The following ENTPD7 variants were observed in gnomAD, a reference collection of about 807,000 sequenced individuals.
ENTPD7 encodes NTPDase 7.
ENTPD7 carries 53 observed loss-of-function variants against 77.9 expected under a neutral mutation model. The observed-to-expected ratio is 0.68, with a 90% CI of 0.55 to 0.85. ENTPD7 has a LOEUF of 0.85. Among genes scored for constraint, ENTPD7 ranks in the 40% least tolerant of loss-of-function variants. The probability of loss-of-function intolerance (pLI) is 0.00; values close to 1 mark genes in which losing one functional copy is unlikely to be tolerated. For synonymous variants in ENTPD7, 248 were observed against 274.9 expected (o/e 0.90, Z 0.97); for missense variants, 636 against 743.7 (o/e 0.86, Z 1.68).
intron 3 of ENTPD7, 33 bp downstream of exon 3, chr10:99,661,661 A>G (rs978345692): frequency 2.0e-5 from 32 of 1,563,884 alleles, no homozygotes; most frequent in Non-Finnish European, 2.2e-5. Flanking sequence ...CACTCAAGTC[A>G]TAAATATTTT....
chr10:99,661,389 A>G (rs1252650975), intron 2 of ENTPD7, 57 bp from the exon 3 acceptor site: 8 of 1,461,744 alleles, frequency 5.5e-6, no homozygotes, highest in Non-Finnish European at 5.5e-6. Context: ...TTAAAACGAT[A>G]TTTAAGCACT....
At chr10:99,696,209 A>ATAAG (rs1361495583) in intron 9 of ENTPD7, 87 bp downstream of exon 9, 3 of 1,476,872 alleles carry the variant, frequency 2.0e-6, no homozygotes, top group Non-Finnish European at 2.8e-6. Context: ...CCTAAGACAG[A>ATAAG]TAAGTCCCTG....
In ENTPD7 at chr10:99,711,188, T is replaced by C. The variant is rs984461109; in HGVS notation, c.*6505T>C. Reference sequence around the variant, plus strand: ...AAATGCAACCAGTTGTTTTTCCAAATGTACTCATCATCTGTAATAAAAGAA... The same window carrying C: ...AAATGCAACCAGTTGTTTTTCCAAACGTACTCATCATCTGTAATAAAAGAA... On this transcript the variant is annotated 3_prime_UTR_variant, in exon 13 of 13. Transcript: ENST00000370489. 6.9e-5 allele frequency: 68 copies of C among 985,214 alleles called. No individual in the cohort carries two copies. The highest frequency in any genetic ancestry group is 7.4e-5 in the Non-Finnish European group (61 of 829,868). The allele number at this position is 985,214 out of a possible 1,614,324, so 61.0% of individuals were successfully genotyped here.
intron 11 of ENTPD7, 36 bp downstream of exon 11, chr10:99,701,094 TA>T: frequency 6.6e-7 from 1 of 1,511,178 alleles, no homozygotes; most frequent in Non-Finnish European, 9.2e-7. Context: ...GATGTGGACT[TA>T]AAATCTAGAT....
intron 3 of ENTPD7, among the ~76,000 whole-genome samples, chr10:99,669,165 A>G (rs1262095319): frequency 6.6e-6 from 1 of 151,774 alleles, no homozygotes; most frequent in Admixed American, 6.6e-5. Flanking sequence ...GATGTGAGCC[A>G]CTGTCCTAGG....
intron 5 of ENTPD7, among the ~76,000 whole-genome samples, chr10:99,683,741 CTT>C (rs1427618721): frequency 2.6e-5 from 4 of 152,102 alleles, no homozygotes; most frequent in African/African-American, 9.7e-5. Context: ...TTGGACATCT[CTT>C]ATCTTTTCAT....
At chr10:99,661,308 A>C in intron 2 of ENTPD7, 138 bp from the exon 3 acceptor site, 1 of 669,298 alleles carries the variant, frequency 1.5e-6, no homozygotes, top group Non-Finnish European at 2.4e-6. Flanking sequence ...TTCTAAAATT[A>C]GAGATGACAA....
chr10:99,683,474 A>G (rs1590045524), intron 5 of ENTPD7, among the ~76,000 whole-genome samples: 2 of 152,350 alleles, frequency 1.3e-5, no homozygotes, highest in East Asian at 3.9e-4. Context: ...TAATAAAATA[A>G]TAATTTTTAT....
In ENTPD7 at chr10:99,679,300, T is replaced by C. The variant is rs1369749526; in HGVS notation, c.231T>C (p.Thr77=). ...TAGGGGAGCTTGAAGCTACTGACAC[T>C]GAAGACCCAAATCTGAATTATGGAC... ...ARVGELEATD[T]EDPNLNYGLV... The change falls in exon 4 of 13, where the codon ACT becomes ACC. Residue 77 remains threonine, a synonymous_variant. Coordinates refer to ENST00000370489, the MANE Select transcript of ENTPD7 (RefSeq NM_020354.5). 1 of 1,614,184 alleles carries C rather than the reference T, an allele frequency of 6.2e-7. No homozygotes were observed. The highest frequency in any genetic ancestry group is 2.2e-5 in the East Asian group (1 of 44,888).
chr10:99,660,328 C>T, intron 2 of ENTPD7: 1 of 1,185,610 alleles, frequency 8.4e-7, no homozygotes, highest in Non-Finnish European at 1.1e-6. Flanking sequence ...AGACCGAGGT[C>T]CTTTTGAATC....
chr10:99,671,867 G>A (rs1300138963), intron 3 of ENTPD7, among the ~76,000 whole-genome samples: 2 of 152,188 alleles, frequency 1.3e-5, no homozygotes, highest in African/African-American at 2.4e-5. Flanking sequence ...GAGGTTCTGT[G>A]TCAGCAATTG....
chr10:99,709,580 T>C lies in ENTPD7; in HGVS notation c.*4897T>C. On this transcript the variant is annotated 3_prime_UTR_variant, in exon 13 of 13. Transcript: ENST00000370489. Reference sequence around the variant, plus strand: ...TACTATAGAATAGCAACAGTGAATATACCTCAAATTGAAAACTTTTAGGTT... The same window carrying C: ...TACTATAGAATAGCAACAGTGAATACACCTCAAATTGAAAACTTTTAGGTT... 1 of 983,784 alleles carries C rather than the reference T, an allele frequency of 1.0e-6. No homozygotes were observed. Among genetic ancestry groups the C allele is most frequent in the Non-Finnish European group, 1.2e-6 (1 of 828,424 alleles). The allele number at this position is 983,784 out of a possible 1,614,324, so 60.9% of individuals were successfully genotyped here. A position where few individuals can be genotyped will look rare whatever the true frequency, so the allele number is the denominator to read the frequency against.
chr10:99,672,157 T>C (rs2035625591), intron 3 of ENTPD7, among the ~76,000 whole-genome samples: 1 of 152,114 alleles, frequency 6.6e-6, no homozygotes, highest in Non-Finnish European at 1.5e-5. Context: ...AAATTTCTTT[T>C]TTTATTTTTA....
rs138037225 is a variant in ENTPD7, at chr10:99,701,051, C to T, written c.1414C>T (p.Arg472Ter). 3 of 1,613,464 alleles carry T rather than the reference C, an allele frequency of 1.9e-6. No homozygotes were observed. Among genetic ancestry groups the T allele is most frequent in the South Asian group, 2.2e-5 (2 of 91,048 alleles). The change falls in exon 11 of 13, where the codon CGA becomes TGA. Residue 472 changes from arginine to a stop codon, truncating the protein, a stop_gained. Coordinates refer to ENST00000370489, the MANE Select transcript of ENTPD7 (RefSeq NM_020354.5). LOFTEE classifies it high-confidence loss of function. ...CTTTTCATCACATGCAGATGAGCAT[C>T]GACTCAAGTAAGTTACTTCCCTTTC... The part of the protein sequence containing the change: ...GLFSSHADEH[R>*]LKYQCFKSAW...
At chr10:99,686,730 C>G (rs1361187219) in intron 6 of ENTPD7, among the ~76,000 whole-genome samples, 2 of 151,912 alleles carry the variant, frequency 1.3e-5, no homozygotes, top group African/African-American at 4.8e-5. Context: ...TTTTGATTGT[C>G]TTTTCTCTTG....
chr10:99,661,373 C>G, intron 2 of ENTPD7, 73 bp from the exon 3 acceptor site: 1 of 1,355,822 alleles, frequency 7.4e-7, no homozygotes, highest in Non-Finnish European at 1.0e-6. Context: ...AGGGTTTTAT[C>G]CAATTTTAAA....
intron 11 of ENTPD7, among the ~76,000 whole-genome samples, chr10:99,701,740 T>A (rs2036134236): frequency 6.6e-6 from 1 of 152,102 alleles, no homozygotes; most frequent in African/African-American, 2.4e-5. Context: ...CATTTTTAAA[T>A]GTTTTAGTTA....
rs1205258671 is a variant in ENTPD7, at chr10:99,704,584, A to G, written c.1716A>G (p.Leu572=). Residue 572 remains leucine, a synonymous_variant, in exon 13 of 13, where the codon CTA becomes CTG. Coordinates refer to ENST00000370489, the MANE Select transcript of ENTPD7 (RefSeq NM_020354.5). ...CCATCTTCCTATACCTTCTGCGGCT[A>G]CGCCGAATTCACCACCGACAAACAC... is the stretch of plus-strand genomic sequence containing the variant. ...LLAIFLYLLR[L]RRIHHRQTRA... is the part of the protein sequence containing the mutation. 1.9e-6 allele frequency: 3 copies of G among 1,614,092 alleles called. No homozygotes were observed. The highest frequency in any genetic ancestry group is 2.5e-6 in the Non-Finnish European group (3 of 1,180,022).
At chr10:99,689,447 A>G (rs910579962) in intron 7 of ENTPD7, among the ~76,000 whole-genome samples, 1 of 152,212 alleles carries the variant, frequency 6.6e-6, no homozygotes, top group African/African-American at 2.4e-5. Flanking sequence ...GCCACATGCT[A>G]GATTTGATTG....
Sources: allele counts gnomAD v4.1 joint callset (sites outside exome capture counted in the v4.1 genomes callset), GRCh38; gene constraint gnomAD v4.1.1; transcripts MANE v1.5; gene names NCBI Gene and HGNC (gene_info 2026-07-23, HGNC 2026-07-21).